The following RASEF variants were observed in gnomAD, a reference collection of about 807,000 sequenced individuals.
The protein encoded by RASEF is ras and EF-hand domain-containing protein.
Under a neutral mutation model 90.1 loss-of-function variants are expected in RASEF, and 68 were observed. That is an observed-to-expected ratio of 0.75 (90% CI 0.62 to 0.92). RASEF has a LOEUF of 0.92. RASEF is among the 40% of genes least tolerant of loss of function. The probability of loss-of-function intolerance (pLI) is 0.00; values close to 1 mark genes in which losing one functional copy is unlikely to be tolerated. For synonymous variants in RASEF, 331 were observed against 345.2 expected (o/e 0.96, Z 0.46); for missense variants, 949 against 937.2 (o/e 1.01, Z -0.16).
chr9:83,080,261 C>T, the RASEF span, among the ~76,000 whole-genome samples: 1 of 152,200 alleles, frequency 6.6e-6, no homozygotes, highest in East Asian at 1.9e-4. Flanking sequence ...TTGTAGCAAA[C>T]ATATTTCCAC....
At chr9:82,993,500 T>C (rs1164879269) in intron 14 of RASEF, among the ~76,000 whole-genome samples, 1 of 152,186 alleles carries the variant, frequency 6.6e-6, no homozygotes, top group East Asian at 1.9e-4. Context: ...TTTTAAACAA[T>C]AGTGATCACA....
At chr9:83,092,307 G>C in the RASEF span, among the ~76,000 whole-genome samples, 425 of 152,172 alleles carry the variant, frequency 2.8e-3, 2 homozygotes, top group African/African-American at 1.0e-2. Context: ...TGGTCTCACT[G>C]ACTTCAAGAA....
At chr9:83,063,390 G>C (rs1830253244), upstream of RASEF, among the ~76,000 whole-genome samples, 1 of 152,220 alleles carries the variant, frequency 6.6e-6, no homozygotes, top group South Asian at 2.1e-4. Context: ...GCTGGCGCGC[G>C]CGTCAGAAGC....
At chr9:83,030,310 T>A (rs562488612) in intron 1 of RASEF, among the ~76,000 whole-genome samples, 3 of 150,978 alleles carry the variant, frequency 2.0e-5, no homozygotes, top group Non-Finnish European at 2.9e-5. Context: ...TGAGCCAAGA[T>A]CATGTTACTG....
intron 12 of RASEF, among the ~76,000 whole-genome samples, chr9:82,999,844 T>A (rs1418045894): frequency 6.6e-6 from 1 of 152,098 alleles, no homozygotes; most frequent in African/African-American, 2.4e-5. Flanking sequence ...CCTCAAGTGA[T>A]CTGCCTGGCT....
chr9:83,210,343 C>T, the RASEF span, among the ~76,000 whole-genome samples: 1 of 152,160 alleles, frequency 6.6e-6, no homozygotes, highest in South Asian at 2.1e-4. Flanking sequence ...GGAAAGGATT[C>T]AACTGCCATG....
chr9:83,193,380 T>C, the RASEF span, among the ~76,000 whole-genome samples: 1 of 152,244 alleles, frequency 6.6e-6, no homozygotes, highest in African/African-American at 2.4e-5. Flanking sequence ...ATTTAAGTAC[T>C]GTGGACACTC....
chr9:83,207,754 T>C, the RASEF span, among the ~76,000 whole-genome samples: 1 of 152,128 alleles, frequency 6.6e-6, no homozygotes, highest in Non-Finnish European at 1.5e-5. Flanking sequence ...ATTACAGGCA[T>C]GTGCCCCCAC....
chr9:83,099,675 G>A, the RASEF span, among the ~76,000 whole-genome samples: 2 of 152,196 alleles, frequency 1.3e-5, no homozygotes, highest in African/African-American at 4.8e-5. Flanking sequence ...TCTCAGTCTA[G>A]TCCTCAGCAC....
chr9:83,047,314 C>A (rs1829952309), intron 1 of RASEF, among the ~76,000 whole-genome samples: 1 of 152,098 alleles, frequency 6.6e-6, no homozygotes, highest in African/African-American at 2.4e-5. Flanking sequence ...GGAAAAGTAA[C>A]CCAGACACAC....
rs982758095 is a variant in RASEF, at chr9:82,992,172, G to A, written c.2040+734C>T. Among the ~76,000 whole-genome samples, 6 of 151,608 alleles carry A rather than the reference G, an allele frequency of 4.0e-5. No homozygotes were observed. In the South Asian group the frequency reaches 1.0e-3, roughly 26 times the overall value. ...TGCTACAGAGTAGTCCTTTCCTGGT[G>A]CTGACGACAGACAACACTATCAACA... On this transcript the variant is annotated intron_variant, in intron 15 of 16. Transcript: ENST00000376447.
At chr9:83,096,712 T>C in the RASEF span, among the ~76,000 whole-genome samples, 2 of 152,084 alleles carry the variant, frequency 1.3e-5, no homozygotes, top group African/African-American at 2.4e-5. Flanking sequence ...ACATGTGCCA[T>C]GTTGGTATGC....
At chr9:83,011,882 G>A (rs1044609616) in intron 5 of RASEF, among the ~76,000 whole-genome samples, 2 of 152,244 alleles carry the variant, frequency 1.3e-5, no homozygotes, top group Middle Eastern at 6.8e-3. Context: ...AGAAAGAAAT[G>A]CAAGCCTCAC....
At chr9:83,215,124 T>C in the RASEF span, among the ~76,000 whole-genome samples, 5 of 151,470 alleles carry the variant, frequency 3.3e-5, no homozygotes, top group Non-Finnish European at 7.4e-5. Context: ...GGAGAGGAGT[T>C]AGGCCACTGG....
At chr9:82,988,316 A>G (rs1828747625) in intron 16 of RASEF, among the ~76,000 whole-genome samples, 1 of 152,146 alleles carries the variant, frequency 6.6e-6, no homozygotes, top group South Asian at 2.1e-4. Flanking sequence ...TAAAAGTTTT[A>G]CTCTGACTCT....
the RASEF span, among the ~76,000 whole-genome samples, chr9:83,143,675 T>C: frequency 1.4e-4 from 21 of 152,220 alleles, no homozygotes; most frequent in Admixed American, 1.3e-3. Flanking sequence ...GGCAAGGCTG[T>C]GGAAAAAAGG....
At chr9:83,044,965 C>A (rs1480993436) in intron 1 of RASEF, among the ~76,000 whole-genome samples, 1 of 152,158 alleles carries the variant, frequency 6.6e-6, no homozygotes, top group Non-Finnish European at 1.5e-5. Flanking sequence ...TAGCAGATGA[C>A]CTTTTCACCG....
rs1047711821 is a variant in RASEF at position 83,040,398 on chromosome 9, T to C, written c.432-14477A>G. On this transcript the variant is annotated intron_variant, in intron 1 of 16. Coordinates refer to ENST00000376447, the MANE Select transcript of RASEF (RefSeq NM_152573.4). ...ATTTGTTAATAACATATATGTGAGT[T>C]CCAAAAATAAATTAAATTACATGAT... Among the ~76,000 whole-genome samples the C allele has an allele frequency of 5.9e-5, 9 of 152,226 alleles. No individual in the cohort carries two copies. In the East Asian group the frequency reaches 1.3e-3, roughly 23 times the overall value.
At chr9:83,016,152 C>T (rs1829339043) in intron 3 of RASEF, among the ~76,000 whole-genome samples, 1 of 152,206 alleles carries the variant, frequency 6.6e-6, no homozygotes, top group African/African-American at 2.4e-5. Flanking sequence ...GGAGTGACAC[C>T]TCTAAGACTA....
Sources: gnomAD v4.1 joint callset for allele counts (sites outside exome capture counted in the v4.1 genomes callset) on GRCh38, gnomAD v4.1.1 for gene constraint, MANE v1.5 for transcripts, NCBI Gene and HGNC (gene_info 2026-07-23, HGNC 2026-07-21) for gene names.